ZBTB41: variants seen among roughly 807,000 people sequenced by gnomAD.
The protein encoded by ZBTB41 is zinc finger and BTB domain-containing protein 41.
Under a neutral mutation model 87.6 loss-of-function variants are expected in ZBTB41, and 42 were observed. The ratio of observed to expected loss-of-function variants is 0.48; its 90% confidence interval spans 0.37 to 0.62. The LOEUF (loss-of-function observed/expected upper bound fraction) is 0.62. Ranked by LOEUF, ZBTB41 falls within the 20% of genes least tolerant of loss-of-function variation. The pLI is 0.00. For missense variants in ZBTB41, 799 were observed against 1,078.9 expected (o/e 0.74, Z 3.63); for synonymous variants, 364 against 364.0 (o/e 1.00, Z 0.00).
intron 10 of ZBTB41, among the ~76,000 whole-genome samples, chr1:197,165,587 G>A (rs868132474): frequency 6.6e-5 from 10 of 151,194 alleles, no homozygotes; most frequent in Admixed American, 4.6e-4. Context: ...TCCAGCCTGG[G>A]TGACAGAGCG....
rs1660162032 is a variant in ZBTB41, at chr1:197,196,364, T to C, written c.1120+2990A>G. ...CTACATATTCTTTTCATTCTACTCATCACCAGTCTACTTAGTCTACATTCA... is the reference window on the plus strand; with the variant it reads ...CTACATATTCTTTTCATTCTACTCACCACCAGTCTACTTAGTCTACATTCA... On this transcript the variant is annotated intron_variant, in intron 2 of 10. Transcript: ENST00000367405. Among the ~76,000 whole-genome samples the C allele has an allele frequency of 2.6e-5, 4 of 152,308 alleles. No homozygotes were observed. The South Asian group carries it at 8.3e-4, about 32-fold the overall frequency.
At chr1:197,167,481 G>A (rs1394642461) in intron 10 of ZBTB41, among the ~76,000 whole-genome samples, 3 of 152,024 alleles carry the variant, frequency 2.0e-5, no homozygotes, top group Non-Finnish European at 2.9e-5. Flanking sequence ...AGGGGTTTGT[G>A]AGCCATCGCA....
At chr1:197,189,911 C>T (rs935813574) in intron 4 of ZBTB41, among the ~76,000 whole-genome samples, 1 of 152,082 alleles carries the variant, frequency 6.6e-6, no homozygotes, top group Admixed American at 6.6e-5. Context: ...TGACCTGTCA[C>T]GTGGGTGGGC....
intron 5 of ZBTB41, 98 bp from the exon 6 acceptor site, chr1:197,181,215 G>T: frequency 9.1e-7 from 1 of 1,103,996 alleles, no homozygotes; most frequent in Non-Finnish European, 1.3e-6. Context: ...TATCCTATTG[G>T]TGCATATGTC....
chr1:197,200,152 C>A lies in ZBTB41; in HGVS notation c.322G>T (p.Val108Phe), dbSNP rs773751853. 3.1e-6 allele frequency: 5 copies of A among 1,613,952 alleles called. No individual in the cohort carries two copies. In the South Asian group the frequency reaches 5.5e-5, roughly 18 times the overall value. Residue 108 changes from valine (V) to phenylalanine (F), a missense_variant, in exon 2 of 11, where the codon GTC becomes TTC. Transcript: ENST00000367405. The stretch of plus-strand genomic sequence containing the variant: ...CACGCATGAAAATAACTACTGCCGA[C>A]AGCAACGACTACTTTATGTGCACTA... ...EFSAHKVVVA[V>F]GSSYFHACLS...
In ZBTB41 at chr1:197,191,851, T is replaced by C. The variant is rs780337141; in HGVS notation, c.1169A>G (p.Glu390Gly). The part of the protein sequence containing the change: ...TRVHTGEKPF[E>G]CDICHQRYST... ...ATAGCGCTGGTGACAAATATCACAC[T>C]CAAAGGGCTTCTCACCTGTGTGAAC... Residue 390 changes from glutamate to glycine, a missense_variant, in exon 3 of 11, where the codon GAG (glutamate) becomes GGG (glycine). This residue lies in a region of ZBTB41 where 294 missense variants were observed against 340.1 expected (regional missense o/e 0.86). Transcript: ENST00000367405. 4 of 1,613,818 alleles carry C rather than the reference T, an allele frequency of 2.5e-6. No homozygotes were observed. Among genetic ancestry groups the C allele is most frequent in the Non-Finnish European group, 3.4e-6 (4 of 1,179,868 alleles).
chr1:197,164,700 G>A (rs529067383), intron 10 of ZBTB41, among the ~76,000 whole-genome samples: 12 of 125,692 alleles, frequency 9.5e-5, no homozygotes, highest in Admixed American at 4.4e-4. Flanking sequence ...TATATAATAC[G>A]TATCTAATAT....
chr1:197,198,455 G>A (rs1403026904), intron 2 of ZBTB41, among the ~76,000 whole-genome samples: 1 of 151,874 alleles, frequency 6.6e-6, no homozygotes, highest in Non-Finnish European at 1.5e-5. Context: ...TATTAAACTG[G>A]GTAAGTAATT....
Position 197,199,842 on chromosome 1 carries a change from A to G in ZBTB41, c.632T>C (p.Phe211Ser). 1 of 1,610,654 alleles carries G rather than the reference A, an allele frequency of 6.2e-7. No homozygotes were observed. Among genetic ancestry groups the G allele is most frequent in the Non-Finnish European group, 8.5e-7 (1 of 1,178,788 alleles). The change falls in exon 2 of 11, where the codon TTC becomes TCC. Residue 211 changes from phenylalanine (F) to serine (S), a missense_variant. Physicochemically the swap from Phe to Ser is radical, Grantham distance 155. Coordinates refer to ENST00000367405, the MANE Select transcript of ZBTB41 (RefSeq NM_194314.3). ...GRLSNNHQCKFCSRHFCYKKS... is the reference protein window; with the variant it reads ...GRLSNNHQCKSCSRHFCYKKS... ...TTTATAACAAAAATGTCTACTACAGAATTTGCACTGATGATTATTTGATAG... is the reference window on the plus strand; with the variant it reads ...TTTATAACAAAAATGTCTACTACAGGATTTGCACTGATGATTATTTGATAG...
chr1:197,190,987 TA>T (rs1239953588), intron 3 of ZBTB41, among the ~76,000 whole-genome samples, 156 bp from the exon 4 acceptor site: 1 of 152,206 alleles, frequency 6.6e-6, no homozygotes, highest in Non-Finnish European at 1.5e-5. Context: ...AAGGTATCAT[TA>T]TCATTTTAAA....
At chr1:197,190,960 T>C (rs991369462) in intron 3 of ZBTB41, 129 bp from the exon 4 acceptor site, 8 of 560,478 alleles carry the variant, frequency 1.4e-5, no homozygotes, top group South Asian at 5.0e-5. Context: ...CAAGTAGGCA[T>C]AGATGAGCTC....
chr1:197,186,201 AAAG>A (rs1659877473), intron 5 of ZBTB41, among the ~76,000 whole-genome samples: 1 of 152,140 alleles, frequency 6.6e-6, no homozygotes, highest in Admixed American at 6.5e-5. Context: ...AATCTTTCAC[AAAG>A]AAGCAGAGCC....
intron 9 of ZBTB41, among the ~76,000 whole-genome samples, chr1:197,172,742 G>C (rs1659512283): frequency 6.6e-6 from 1 of 152,000 alleles, no homozygotes; most frequent in Non-Finnish European, 1.5e-5. Context: ...TTCACTTTCT[G>C]TAAATTACAC....
intron 5 of ZBTB41, among the ~76,000 whole-genome samples, chr1:197,184,313 C>A (rs1659829827): frequency 1.3e-5 from 2 of 152,166 alleles, no homozygotes; most frequent in Non-Finnish European, 2.9e-5. Context: ...GGTAAATAAT[C>A]TTCCAACATA....
At chr1:197,165,815 A>G (rs1659330172) in intron 10 of ZBTB41, among the ~76,000 whole-genome samples, 1 of 152,194 alleles carries the variant, frequency 6.6e-6, no homozygotes, top group Admixed American at 6.5e-5. Context: ...AAGATGGCCA[A>G]ACAGGAACAG....
Position 197,200,056 on chromosome 1 carries a change from G to A in ZBTB41, c.418C>T (p.Leu140Phe). ...AATTCTGATGTGTAAAGAAATTCAA[G>A]CAAATGCTGAAAAACTGAATGTGTT... Reference protein sequence around the residue: ...HVTHSVFQHLLEFLYTSEFFV... With the variant: ...HVTHSVFQHLFEFLYTSEFFV... Residue 140 changes from leucine (L) to phenylalanine (F), a missense_variant, in exon 2 of 11, where the codon CTT (leucine) becomes TTT (phenylalanine). By Grantham distance (22) the Leu-to-Phe change is conservative. Transcript: ENST00000367405. 6.2e-7 allele frequency: 1 copy of A among 1,612,788 alleles called. No individual in the cohort carries two copies. The highest frequency in any genetic ancestry group is 1.1e-5 in the South Asian group (1 of 90,718).
At chr1:197,200,985 C>T (rs567238377) in intron 1 of ZBTB41, among the ~76,000 whole-genome samples, 217 of 152,316 alleles carry the variant, frequency 1.4e-3, no homozygotes, top group Middle Eastern at 3.4e-3. Context: ...AACATGCTTT[C>T]CTCGGGCGGG....
intron 10 of ZBTB41, among the ~76,000 whole-genome samples, chr1:197,169,011 G>A (rs1389530976): frequency 6.6e-6 from 1 of 152,030 alleles, no homozygotes; most frequent in Middle Eastern, 3.4e-3. Flanking sequence ...CATCACAGAG[G>A]TGCAAATCGA....
At chr1:197,191,242 T>C (rs1660022972) in intron 3 of ZBTB41, among the ~76,000 whole-genome samples, 1 of 151,972 alleles carries the variant, frequency 6.6e-6, no homozygotes, top group Non-Finnish European at 1.5e-5. Flanking sequence ...GGCAGATCAC[T>C]TGAGCCTAGG....
Sources: gnomAD v4.1 joint callset for allele counts (sites outside exome capture counted in the v4.1 genomes callset) on GRCh38, gnomAD v4.1.1 for gene constraint, gnomAD v4.1.1 regional missense constraint, MANE v1.5 for transcripts, NCBI Gene and HGNC (gene_info 2026-07-23, HGNC 2026-07-21) for gene names.